The following ELFN1 variants were observed in gnomAD, a reference collection of about 807,000 sequenced individuals.
ELFN1 encodes extracellular leucine rich repeat and fibronectin type III domain containing 1.
In ELFN1, 6 loss-of-function variants were observed where a neutral mutation model predicts 7.6. The ratio of observed to expected loss-of-function variants is 0.79; its 90% CI spans 0.43 to 1.56. The LOEUF (loss-of-function observed/expected upper bound fraction) is 1.56. Ranked by LOEUF, ELFN1 falls within the 40% of genes most tolerant of loss-of-function variation. The pLI is 0.01. For missense variants in ELFN1, 1,169 were observed against 1,232.2 expected, an observed-to-expected ratio of 0.95 and a Z score of 0.77; for synonymous variants, 657 against 588.1, an observed-to-expected ratio of 1.12 and a Z score of -1.70.
intron 1 of ELFN1, among the ~76,000 whole-genome samples, chr7:1,678,946 C>T (rs960428317): frequency 6.6e-6 from 1 of 152,196 alleles, no homozygotes; most frequent in African/African-American, 2.4e-5. Flanking sequence ...CTGGCCTGTG[C>T]TCCCAGGAGT....
chr7:1,728,877 G>T (rs768437882), intron 3 of ELFN1, among the ~76,000 whole-genome samples: 13 of 152,106 alleles, frequency 8.5e-5, no homozygotes, highest in Non-Finnish European at 1.3e-4. Flanking sequence ...AAACACCATC[G>T]CATCTCACTG....
chr7:1,677,333 G>C (rs1470611204), intron 1 of ELFN1, among the ~76,000 whole-genome samples: 1 of 152,210 alleles, frequency 6.6e-6, no homozygotes, highest in Non-Finnish European at 1.5e-5. Context: ...ACAGAAGTGG[G>C]GCTCAGGGCC....
At chr7:1,700,413 G>A (rs1278147987) in intron 2 of ELFN1, among the ~76,000 whole-genome samples, 1 of 152,162 alleles carries the variant, frequency 6.6e-6, no homozygotes, top group Non-Finnish European at 1.5e-5. Context: ...AATTGATTCT[G>A]GATTCGCCTG....
chr7:1,730,980 C>T (rs955785506), intron 3 of ELFN1, among the ~76,000 whole-genome samples: 1 of 152,132 alleles, frequency 6.6e-6, no homozygotes, highest in African/African-American at 2.4e-5. Context: ...ATCAAACCAA[C>T]ATATACAAAT....
chr7:1,729,799 C>T (rs998696938), intron 3 of ELFN1, among the ~76,000 whole-genome samples: 3 of 152,250 alleles, frequency 2.0e-5, no homozygotes, highest in African/African-American at 7.2e-5. Flanking sequence ...TCCTTTTCTC[C>T]TATGTTAGAA....
chr7:1,744,343 G>A lies in ELFN1; in HGVS notation c.-254G>A. The A allele has an allele frequency of 2.1e-6, 1 of 474,822 alleles. No homozygotes were observed. The highest frequency in any genetic ancestry group is 3.5e-5 in the East Asian group (1 of 28,198). The allele number at this position is 474,822 out of a possible 1,614,324, so 29.4% of individuals were successfully genotyped here. A position where few individuals can be genotyped will look rare whatever the true frequency, so the allele number is the denominator to read the frequency against. ...CAGGAGGAGTCAGTGGAGCCATCAG[G>A]ACACCCAGGCCCATGGGGCAGGAGG... On this transcript the variant is annotated 5_prime_UTR_variant, in exon 4 of 4. Coordinates refer to ENST00000424383, the MANE Select transcript of ELFN1 (RefSeq NM_001128636.4).
Position 1,745,020 on chromosome 7 carries a change from A to G in ELFN1, c.424A>G (p.Asn142Asp). 6.4e-7 allele frequency: 1 copy of G among 1,551,172 alleles called. No homozygotes were observed. The highest frequency in any genetic ancestry group is 2.4e-5 in the East Asian group (1 of 40,904). Reference sequence around the variant, plus strand: ...GCTGGAGTACCTGTACCTGCAGGCCAACCTCATCGAGGTGGTCATGGCCAG... The same window carrying G: ...GCTGGAGTACCTGTACCTGCAGGCCGACCTCATCGAGGTGGTCATGGCCAG... ...GKLEYLYLQA[N>D]LIEVVMASSF... is the part of the protein sequence containing the mutation. The change falls in exon 4 of 4, where the codon AAC becomes GAC. Residue 142 changes from asparagine (N) to aspartate (D), a missense_variant. Asn to Asp is a conservative substitution (Grantham distance 23). This residue lies in a region of ELFN1 where 255 missense variants were observed against 359.6 expected (regional missense o/e 0.71). Coordinates refer to ENST00000424383, the MANE Select transcript of ELFN1 (RefSeq NM_001128636.4).
At chr7:1,743,081 G>A (rs946026744) in intron 3 of ELFN1, among the ~76,000 whole-genome samples, 2 of 108,948 alleles carry the variant, frequency 1.8e-5, no homozygotes, top group Non-Finnish European at 3.8e-5. Context: ...TATCTCGAGG[G>A]TAGTGGTGGG....
chr7:1,678,011 A>C (rs1051638278), intron 1 of ELFN1, among the ~76,000 whole-genome samples: 1 of 152,156 alleles, frequency 6.6e-6, no homozygotes, highest in Non-Finnish European at 1.5e-5. Flanking sequence ...AGAGCATGCT[A>C]CATCTGAGGG....
chr7:1,730,219 A>G (rs1194550363), intron 3 of ELFN1, among the ~76,000 whole-genome samples: 2 of 152,248 alleles, frequency 1.3e-5, no homozygotes, highest in African/African-American at 2.4e-5. Flanking sequence ...TTCACTTTAC[A>G]AAGCAGTGTG....
intron 3 of ELFN1, among the ~76,000 whole-genome samples, chr7:1,712,012 G>A (rs1276173377): frequency 6.6e-6 from 1 of 152,236 alleles, no homozygotes; most frequent in Non-Finnish European, 1.5e-5. Flanking sequence ...GGGCTGTGCG[G>A]ACCCCAGGCC....
At position 1,671,458 on chromosome 7, in the gene ELFN1, G is replaced by A. The variant is rs529743307; in HGVS notation, c.-549+1104G>A. On this transcript the variant is annotated intron_variant, in intron 1 of 3. Transcript: ENST00000424383. ...CTGGCTTGGGCTGGCTGCCTCTGCCGCTCATTCCCTCGATTGGGCTAAGGG... is the reference window on the plus strand; with the variant it reads ...CTGGCTTGGGCTGGCTGCCTCTGCCACTCATTCCCTCGATTGGGCTAAGGG... 5.3e-5 allele frequency among the ~76,000 whole-genome samples: 8 copies of A among 152,348 alleles called. No homozygotes were observed. The East Asian group carries it at 1.5e-3, about 29-fold the overall frequency.
upstream of ELFN1, among the ~76,000 whole-genome samples, chr7:1,666,276 A>C (rs1778669630): frequency 6.7e-6 from 1 of 150,290 alleles, no homozygotes; most frequent in African/African-American, 2.4e-5. This position sits in a 1 kb window ranked among gnomAD's most constrained non-coding sequence, Gnocchi z 7.9. Flanking sequence ...AGGGAAGAGG[A>C]TGCTCTCTGG....
In ELFN1 at chr7:1,702,610, TTGA is replaced by T. The variant is rs1380984387; in HGVS notation, c.-455-6478_-455-6476del. ...AATGTATAAATTAATTTGAAGACTG[TTGA>T]TGTTTCATAAATATTCATTTTCTAT... On this transcript the variant is annotated intron_variant, in intron 2 of 3. Coordinates refer to ENST00000424383, the MANE Select transcript of ELFN1 (RefSeq NM_001128636.4). Among the ~76,000 whole-genome samples, 2 of 151,154 alleles carry T rather than the reference TTGA, an allele frequency of 1.3e-5. 1 individual carries two copies. Among genetic ancestry groups the T allele is most frequent in the African/African-American group, 4.9e-5 (2 of 40,436 alleles).
chr7:1,704,589 T>C (rs2128585596), intron 2 of ELFN1, among the ~76,000 whole-genome samples: 1 of 151,954 alleles, frequency 6.6e-6, no homozygotes, highest in African/African-American at 2.4e-5. Flanking sequence ...CAGTACTAGG[T>C]GGGGGTCAGC....
At chr7:1,711,567 C>CGAGAGAGG (rs1779651378) in intron 3 of ELFN1, among the ~76,000 whole-genome samples, 1 of 35,050 alleles carries the variant, frequency 2.9e-5, no homozygotes, top group Non-Finnish European at 5.6e-5. Context: ...GAAGAGAGAG[C>CGAGAGAGG]GAGAGAGTGA....
At chr7:1,715,693 A>G (rs932630601) in intron 3 of ELFN1, among the ~76,000 whole-genome samples, 1 of 152,098 alleles carries the variant, frequency 6.6e-6, no homozygotes, top group Non-Finnish European at 1.5e-5. Context: ...CCTGTAATTT[A>G]CATCCTGTGA....
In ELFN1 at chr7:1,739,870, G is replaced by A. The variant is rs1780560164; in HGVS notation, c.-293-4434G>A. On this transcript the variant is annotated intron_variant, in intron 3 of 3. Transcript: ENST00000424383. The surrounding 1 kb of genome is among the most constrained non-coding windows in gnomAD (Gnocchi z 4.6). Reference sequence around the variant, plus strand: ...GATGGAAGAGGAGGTGAGGGAGGGGGATGGAAACTGCTGGCGATCCTTCCA... The same window carrying A: ...GATGGAAGAGGAGGTGAGGGAGGGGAATGGAAACTGCTGGCGATCCTTCCA... Among the ~76,000 whole-genome samples, 1 of 152,176 alleles carries A rather than the reference G, an allele frequency of 6.6e-6. No homozygotes were observed. The highest frequency in any genetic ancestry group is 1.5e-5 in the Non-Finnish European group (1 of 68,026).
chr7:1,737,230 GC>G (rs1243326311), intron 3 of ELFN1, among the ~76,000 whole-genome samples: 6 of 152,094 alleles, frequency 3.9e-5, no homozygotes, highest in Admixed American at 1.3e-4. Flanking sequence ...CACCTCCCTA[GC>G]CCAGCCAAGC....
Sources: allele counts gnomAD v4.1 joint callset (sites outside exome capture counted in the v4.1 genomes callset), GRCh38; gene constraint gnomAD v4.1.1; regional missense constraint gnomAD v4.1.1; non-coding constraint Gnocchi (gnomAD v3.1); transcripts MANE v1.5; gene names NCBI Gene and HGNC (gene_info 2026-07-23, HGNC 2026-07-21).